The following ZMYM1 variants were observed in gnomAD, a reference collection of about 807,000 sequenced individuals.
ZMYM1 encodes the protein zinc finger MYM-type containing 1.
Under a neutral mutation model 60.0 loss-of-function variants are expected in ZMYM1, and 39 were observed. The ratio of observed to expected loss-of-function variants is 0.65; its 90% CI spans 0.50 to 0.85. ZMYM1 has a LOEUF of 0.85. Ranked by LOEUF, ZMYM1 falls within the 40% of genes least tolerant of loss-of-function variation. The pLI is 0.00. For synonymous variants in ZMYM1, 413 were observed against 454.0 expected (o/e 0.91, Z 1.15); for missense variants, 1,171 against 1,309.5 (o/e 0.89, Z 1.63).
At chr1:35,063,256 A>C (rs1641907779) in intron 1 of ZMYM1, among the ~76,000 whole-genome samples, 2 of 151,592 alleles carry the variant, frequency 1.3e-5, no homozygotes, top group African/African-American at 4.8e-5. Flanking sequence ...TCTCTAGAGT[A>C]GCTGGGACTA....
At chr1:35,106,935 T>G (rs534010615) in intron 6 of ZMYM1, among the ~76,000 whole-genome samples, 1 of 151,414 alleles carries the variant, frequency 6.6e-6, no homozygotes, top group African/African-American at 2.4e-5. Flanking sequence ...CACTGCAAGC[T>G]CCGCCTCGCG....
intron 1 of ZMYM1, among the ~76,000 whole-genome samples, chr1:35,086,951 G>A (rs1642686703): frequency 6.7e-6 from 1 of 148,316 alleles, no homozygotes; most frequent in South Asian, 2.1e-4. Context: ...CCAAAGTGCT[G>A]GGATTACAGG....
At chr1:35,112,586 A>G (rs910666473) in intron 9 of ZMYM1, among the ~76,000 whole-genome samples, 1 of 146,230 alleles carries the variant, frequency 6.8e-6, no homozygotes, top group African/African-American at 2.5e-5. Flanking sequence ...ATTATAATGT[A>G]TATTTATTAT....
chr1:35,112,779 C>T (rs370547350), intron 9 of ZMYM1, among the ~76,000 whole-genome samples, 198 bp from the exon 10 acceptor site: 1 of 151,096 alleles, frequency 6.6e-6, no homozygotes, highest in African/African-American at 2.4e-5. Context: ...AATTACATAC[C>T]AAAAGGTCCT....
rs190350721 is a variant in ZMYM1 at position 35,081,322 on chromosome 1, T to G, written c.-75+1880T>G. On this transcript the variant is annotated intron_variant, in intron 1 of 9. Coordinates refer to ENST00000359858, the MANE Select transcript of ZMYM1 (RefSeq NM_024772.5). ...TTCCAGACTCTGTTTTGTTTTTGCT[T>G]GTGTCCATACCACACTATCTTAATT... Among the ~76,000 whole-genome samples the G allele has an allele frequency of 1.8e-3, 271 of 152,314 alleles. 2 individuals carry two copies. Among genetic ancestry groups the G allele is most frequent in the Non-Finnish European group, 3.1e-3 (212 of 68,016 alleles).
Position 35,114,532 on chromosome 1 carries a change from C to T in ZMYM1, c.2702C>T (p.Ser901Leu), listed in dbSNP as rs768014675. 1.9e-6 allele frequency: 3 copies of T among 1,610,010 alleles called. No homozygotes were observed. The highest frequency in any genetic ancestry group is 1.7e-6 in the Non-Finnish European group (2 of 1,178,228). ...SKIEAILECLSSERNDVYFKT... is the reference protein window; with the variant it reads ...SKIEAILECLLSERNDVYFKT... ...ATAGAAGCAATTTTGGAATGTTTAT[C>T]ATCTGAAAGAAATGACGTATACTTT... The change falls in exon 10 of 10, where the codon TCA becomes TTA. Residue 901 changes from serine to leucine, a missense_variant. By Grantham distance (145) the Ser-to-Leu change is moderately radical (BLOSUM62 -2). Coordinates refer to ENST00000359858, the MANE Select transcript of ZMYM1 (RefSeq NM_024772.5).
chr1:35,073,396 A>G (rs1470441186), intron 1 of ZMYM1, among the ~76,000 whole-genome samples: 2 of 130,526 alleles, frequency 1.5e-5, no homozygotes, highest in African/African-American at 5.7e-5. Flanking sequence ...AGAAAGGAAG[A>G]GAAATATTTC....
intron 6 of ZMYM1, among the ~76,000 whole-genome samples, chr1:35,107,843 C>G (rs1355823861): frequency 2.6e-5 from 4 of 151,988 alleles, no homozygotes; most frequent in African/African-American, 4.8e-5. Flanking sequence ...GGTGCGGTGG[C>G]TCACGCCTGT....
chr1:35,064,350 A>G (rs1641931621), intron 1 of ZMYM1, among the ~76,000 whole-genome samples: 1 of 151,474 alleles, frequency 6.6e-6, no homozygotes. Flanking sequence ...CAAATCCACA[A>G]TTATAGTTGG....
At chr1:35,095,081 G>A (rs183278494) in intron 2 of ZMYM1, among the ~76,000 whole-genome samples, 4 of 152,190 alleles carry the variant, frequency 2.6e-5, no homozygotes, top group African/African-American at 9.6e-5. Context: ...TTCAGGCATA[G>A]ATCAAGTTTA....
intron 9 of ZMYM1, among the ~76,000 whole-genome samples, 193 bp downstream of exon 9, chr1:35,112,323 G>T (rs190700540): frequency 6.6e-6 from 1 of 151,372 alleles, no homozygotes; most frequent in Non-Finnish European, 1.5e-5. Flanking sequence ...GATTACCAGC[G>T]CCTGCTACCA....
chr1:35,076,946 A>AG (rs1288941037), upstream of ZMYM1, among the ~76,000 whole-genome samples: 5 of 132,052 alleles, frequency 3.8e-5, no homozygotes, highest in African/African-American at 9.2e-5. Context: ...AAAAAAAAAA[A>AG]AAAAGAAAAG....
chr1:35,100,899 C>G (rs968229780), intron 4 of ZMYM1, among the ~76,000 whole-genome samples: 1 of 151,734 alleles, frequency 6.6e-6, no homozygotes, highest in Non-Finnish European at 1.5e-5. Flanking sequence ...ACCACCTGGG[C>G]TTAAGCAATA....
intron 1 of ZMYM1, among the ~76,000 whole-genome samples, chr1:35,079,770 G>A (rs1387125239): frequency 2.0e-5 from 3 of 152,318 alleles, no homozygotes; most frequent in Admixed American, 2.0e-4. Flanking sequence ...CGTTTCAGAA[G>A]CCCCATCACA....
At chr1:35,103,906 C>T (rs960431609) in intron 4 of ZMYM1, among the ~76,000 whole-genome samples, 4 of 152,212 alleles carry the variant, frequency 2.6e-5, no homozygotes, top group African/African-American at 9.6e-5. Flanking sequence ...TCACTAGCAC[C>T]ACCTAATAAT....
At chr1:35,102,107 G>A (rs1180582572) in intron 4 of ZMYM1, among the ~76,000 whole-genome samples, 1 of 152,176 alleles carries the variant, frequency 6.6e-6, no homozygotes, top group Non-Finnish European at 1.5e-5. Flanking sequence ...ATTGCAAAGT[G>A]TTGTTTTGGT....
At chr1:35,116,845 T>A (rs894039753), downstream of ZMYM1, among the ~76,000 whole-genome samples, 12 of 130,852 alleles carry the variant, frequency 9.2e-5, no homozygotes, top group African/African-American at 3.5e-4. Flanking sequence ...ATTTTTTTTT[T>A]TTTTTTTTTT....
In ZMYM1 at chr1:35,097,338, T is replaced by G; in HGVS notation, c.191T>G (p.Ile64Ser). Residue 64 changes from isoleucine to serine, a missense_variant, in exon 4 of 10, where the codon ATT becomes AGT. Physicochemically the swap from Ile to Ser is moderately radical, Grantham distance 142. Coordinates refer to ENST00000359858, the MANE Select transcript of ZMYM1 (RefSeq NM_024772.5). ...SESASQLTAGIQLSLASSGVN... is the reference protein window; with the variant it reads ...SESASQLTAGSQLSLASSGVN... ...ATAGCTTCACAGTTGACTGCAGGCATTCAGCTTTCTCTGGCATCATCTGGC... is the reference window on the plus strand; with the variant it reads ...ATAGCTTCACAGTTGACTGCAGGCAGTCAGCTTTCTCTGGCATCATCTGGC... The G allele has an allele frequency of 6.2e-7, 1 of 1,607,814 alleles. No individual in the cohort carries two copies. Among genetic ancestry groups the G allele is most frequent in the East Asian group, 2.2e-5 (1 of 44,812 alleles).
At chr1:35,067,956 A>C (rs1025717996) in intron 1 of ZMYM1, among the ~76,000 whole-genome samples, 1 of 151,880 alleles carries the variant, frequency 6.6e-6, no homozygotes, top group Admixed American at 6.6e-5. Flanking sequence ...AAAATGAAAA[A>C]ATTTTTTAAA....
Sources: allele counts gnomAD v4.1 joint callset (sites outside exome capture counted in the v4.1 genomes callset), GRCh38; gene constraint gnomAD v4.1.1; transcripts MANE v1.5; gene names NCBI Gene and HGNC (gene_info 2026-07-23, HGNC 2026-07-21).